PDE4D: variants seen among roughly 807,000 people sequenced by gnomAD.
PDE4D encodes phosphodiesterase 4D.
Under a neutral mutation model 87.4 loss-of-function variants are expected in PDE4D, and 24 were observed. The observed-to-expected ratio is 0.27, with a 90% CI of 0.20 to 0.39. The LOEUF is 0.39. Among genes scored for constraint, PDE4D ranks in the 10% least tolerant of loss-of-function variants. The pLI, the probability that PDE4D is intolerant of heterozygous loss-of-function variation, is 1.00. For missense variants in PDE4D, 714 were observed against 1,041.0 expected, an observed-to-expected ratio of 0.69 and a Z score of 4.32; for synonymous variants, 384 against 383.2, an observed-to-expected ratio of 1.00 and a Z score of -0.02.
chr5:60,494,808 C>G (rs1294231110), intron 1 of PDE4D, among the ~76,000 whole-genome samples: 1 of 152,198 alleles, frequency 6.6e-6, no homozygotes, highest in African/African-American at 2.4e-5. Context: ...CATTTCAGGC[C>G]TCATGAAGCA....
At chr5:59,068,308 T>C (rs927299877) in intron 5 of PDE4D, among the ~76,000 whole-genome samples, 1 of 152,204 alleles carries the variant, frequency 6.6e-6, no homozygotes, top group Admixed American at 6.6e-5. Context: ...ATACAGACAA[T>C]TGAGACACTA....
At chr5:60,478,165 C>T (rs911244590) in intron 1 of PDE4D, among the ~76,000 whole-genome samples, 1 of 152,084 alleles carries the variant, frequency 6.6e-6, no homozygotes, top group Non-Finnish European at 1.5e-5. Flanking sequence ...TTATCTAAAG[C>T]ATTTAAAAAA....
chr5:59,008,161 G>T (rs574029040), intron 6 of PDE4D, among the ~76,000 whole-genome samples: 1 of 152,104 alleles, frequency 6.6e-6, no homozygotes, highest in South Asian at 2.1e-4. Context: ...ATAAATGGGT[G>T]CAAAAACTTC....
intron 1 of PDE4D, among the ~76,000 whole-genome samples, chr5:59,266,976 G>C (rs1762958059): frequency 6.6e-6 from 1 of 151,310 alleles, no homozygotes; most frequent in African/African-American, 2.4e-5. Context: ...TCATACAGTT[G>C]CTTCAACTGT....
Position 59,735,831 on chromosome 5 carries a change from T to A in PDE4D, c.455+157337A>T, listed in dbSNP as rs1016136699. Among the ~76,000 whole-genome samples the A allele has an allele frequency of 2.6e-5, 4 of 152,102 alleles. No individual in the cohort carries two copies. In the South Asian group the frequency reaches 6.2e-4, roughly 24 times the overall value. On this transcript the variant is annotated intron_variant, in intron 1 of 14. Transcript: ENST00000340635. ...ACAGGCATGTACCACCACACCCAGA[T>A]AATTTTTAAATATTTTTAGTACAGA...
Position 59,893,669 on chromosome 5 carries a change from G to A in PDE4D, c.-47C>T, listed in dbSNP as rs375572617. On this transcript the variant is annotated 5_prime_UTR_variant, in exon 1 of 15. Transcript: ENST00000340635. ...CTGCTGCCCAGCCCGGGTTCACCGC[G>A]CTGGCCCGAGCGCCTTCCTGATGCT... 30 of 1,411,302 alleles carry A rather than the reference G, an allele frequency of 2.1e-5. No individual in the cohort carries two copies. The South Asian group carries it at 3.4e-4, about 16-fold the overall frequency. 87.4% of individuals were successfully genotyped at this position (1,411,302 alleles called of 1,614,324 possible).
intron 1 of PDE4D, among the ~76,000 whole-genome samples, chr5:59,867,363 C>T (rs1747195810): frequency 1.3e-5 from 2 of 151,952 alleles, no homozygotes; most frequent in Non-Finnish European, 2.9e-5. Context: ...GATTAACTTC[C>T]TTAATAAAAA....
At chr5:59,888,259 C>T (rs534972743) in intron 1 of PDE4D, among the ~76,000 whole-genome samples, 5 of 152,302 alleles carry the variant, frequency 3.3e-5, no homozygotes, top group African/African-American at 1.2e-4. Context: ...GGATTTGTTC[C>T]TATCCTTTCC....
intron 2 of PDE4D, among the ~76,000 whole-genome samples, chr5:59,197,817 A>C (rs1285302734): frequency 1.3e-5 from 2 of 152,218 alleles, no homozygotes; most frequent in Non-Finnish European, 2.9e-5. Context: ...CATATGCTCA[A>C]AAAAATCCTA....
At chr5:60,368,732 C>T (rs577098649) in intron 1 of PDE4D, among the ~76,000 whole-genome samples, 1 of 152,238 alleles carries the variant, frequency 6.6e-6, no homozygotes, top group East Asian at 1.9e-4. Flanking sequence ...TCGTGATAGA[C>T]TTCTCAGAAG....
chr5:59,612,237 T>TTTTTTC (rs113105324), intron 1 of PDE4D, among the ~76,000 whole-genome samples: 7 of 150,396 alleles, frequency 4.7e-5, no homozygotes, highest in African/African-American at 1.2e-4. Context: ...ACACTGTTTT[T>TTTTTTC]TTTGTTTGTT....
chr5:59,539,360 C>T (rs1172853684), intron 1 of PDE4D, among the ~76,000 whole-genome samples: 1 of 152,122 alleles, frequency 6.6e-6, no homozygotes, highest in Non-Finnish European at 1.5e-5. Flanking sequence ...TACCTCCCTG[C>T]AATACAGTTT....
chr5:59,529,463 T>A (rs1813756037), intron 1 of PDE4D, among the ~76,000 whole-genome samples: 1 of 151,996 alleles, frequency 6.6e-6, no homozygotes, highest in African/African-American at 2.4e-5. Flanking sequence ...CAATGACACA[T>A]CAACACTGAC....
rs568012538 is a variant in PDE4D, at chr5:59,949,349, C to T, written c.272+39139G>A. ...TCAGGAGGCTGAGACAGGAGAATGG[C>T]GTGAACCTGGGAGGCGGAGCTTGCA... On this transcript the variant is annotated intron_variant, in intron 3 of 16. Transcript: ENST00000502484. 2.0e-5 allele frequency among the ~76,000 whole-genome samples: 3 copies of T among 147,482 alleles called. No individual in the cohort carries two copies. In the South Asian group the frequency reaches 6.4e-4, roughly 32 times the overall value.
intron 1 of PDE4D, among the ~76,000 whole-genome samples, chr5:59,422,578 T>C (rs1474102722): frequency 6.6e-6 from 1 of 152,204 alleles, no homozygotes; most frequent in Non-Finnish European, 1.5e-5. Flanking sequence ...TTTCTTCAAC[T>C]TAAGAGCAAA....
At chr5:60,080,097 T>C (rs989854952) in intron 2 of PDE4D, among the ~76,000 whole-genome samples, 3 of 152,206 alleles carry the variant, frequency 2.0e-5, no homozygotes, top group Admixed American at 1.3e-4. Flanking sequence ...TTCACATCCC[T>C]TGTTAGCTCT....
chr5:60,461,828 T>C lies in PDE4D; in HGVS notation c.-90+26114A>G, dbSNP rs911629918. On this transcript the variant is annotated intron_variant, in intron 1 of 16. Transcript: ENST00000502484. Reference sequence around the variant, plus strand: ...CAAAATAGAGTTGTTACCTTAAATATATGACATTTAAAGACAAGGGATTTC... The same window carrying C: ...CAAAATAGAGTTGTTACCTTAAATACATGACATTTAAAGACAAGGGATTTC... 4.6e-5 allele frequency among the ~76,000 whole-genome samples: 7 copies of C among 152,202 alleles called. No homozygotes were observed. The East Asian group carries it at 7.7e-4, about 17-fold the overall frequency.
At chr5:60,449,937 G>A (rs1394230553) in intron 1 of PDE4D, among the ~76,000 whole-genome samples, 1 of 150,758 alleles carries the variant, frequency 6.6e-6, no homozygotes, top group African/African-American at 2.4e-5. Flanking sequence ...GAGTTTGAGG[G>A]TTTATAAAAG....
intron 1 of PDE4D, among the ~76,000 whole-genome samples, chr5:59,595,494 T>C (rs1826542426): frequency 6.6e-6 from 1 of 152,176 alleles, no homozygotes. Flanking sequence ...CACCGATTTT[T>C]ATGTTGTTGT....
Sources: allele counts gnomAD v4.1 joint callset (sites outside exome capture counted in the v4.1 genomes callset), GRCh38; gene constraint gnomAD v4.1.1; transcripts MANE v1.5; gene names NCBI Gene and HGNC (gene_info 2026-07-23, HGNC 2026-07-21).